RNF111: variants seen among roughly 807,000 people sequenced by gnomAD.
RNF111 encodes E3 ubiquitin-protein ligase Arkadia.
A neutral mutation model predicts 95.1 loss-of-function variants in RNF111; 17 were observed. The observed-to-expected ratio is 0.18, with a 90% CI of 0.12 to 0.27. The LOEUF (loss-of-function observed/expected upper bound fraction) is 0.27. RNF111 is among the 10% of genes least tolerant of loss of function. The pLI is 1.00. For synonymous variants in RNF111, 440 were observed against 414.8 expected (o/e 1.06, Z -0.74); for missense variants, 1,189 against 1,210.4 (o/e 0.98, Z 0.26).
intron 1 of RNF111, among the ~76,000 whole-genome samples, chr15:59,022,100 T>G (rs1489611222): frequency 1.3e-5 from 2 of 152,130 alleles, no homozygotes; most frequent in Non-Finnish European, 2.9e-5. Context: ...CCTAAAGTGA[T>G]CTCCCCGCCT....
intron 11 of RNF111, among the ~76,000 whole-genome samples, chr15:59,090,333 A>C (rs924889920): frequency 6.6e-6 from 1 of 152,114 alleles, no homozygotes; most frequent in Admixed American, 6.5e-5. Flanking sequence ...GGGTTCAAGC[A>C]ATTCTCCTGC....
intron 1 of RNF111, among the ~76,000 whole-genome samples, chr15:59,005,037 T>G (rs1392139070): frequency 6.6e-6 from 1 of 152,172 alleles, no homozygotes; most frequent in Non-Finnish European, 1.5e-5. Flanking sequence ...GTTTAAATTA[T>G]TTTTTTCTTG....
chr15:59,062,479 A>T (rs1170999544), intron 5 of RNF111, among the ~76,000 whole-genome samples: 3 of 152,124 alleles, frequency 2.0e-5, no homozygotes, highest in Non-Finnish European at 2.9e-5. Flanking sequence ...TGCCTACATG[A>T]TATCTTATAT....
rs111286540 is a variant in RNF111 at position 58,994,760 on chromosome 15, C to T, written c.-20+6692C>T. 6.2e-4 allele frequency among the ~76,000 whole-genome samples: 94 copies of T among 152,040 alleles called. 2 individuals are homozygous for T. Among genetic ancestry groups the T allele is most frequent in the Admixed American group, 2.0e-4 (3 of 15,244 alleles). ...CCCAAAGTGCTGGGGTGAGCCTTTGCGCCTGGCCCCTTATTCTCTCTTGAA... is the reference window on the plus strand; with the variant it reads ...CCCAAAGTGCTGGGGTGAGCCTTTGTGCCTGGCCCCTTATTCTCTCTTGAA... On this transcript the variant is annotated intron_variant, in intron 1 of 13. Transcript: ENST00000348370.
At chr15:59,000,708 C>CAA (rs35056899) in intron 1 of RNF111, among the ~76,000 whole-genome samples, 4 of 90,150 alleles carry the variant, frequency 4.4e-5, no homozygotes, top group Non-Finnish European at 4.6e-5. Flanking sequence ...AACTCCGTCT[C>CAA]AAAAAAAAAA....
At chr15:59,092,413 G>A in intron 12 of RNF111, 124 bp from the exon 13 acceptor site, 1 of 982,348 alleles carries the variant, frequency 1.0e-6, no homozygotes, top group South Asian at 2.5e-5. Context: ...GTCTTACCTG[G>A]GAAAAAAGTG....
intron 2 of RNF111, among the ~76,000 whole-genome samples, chr15:59,049,221 T>C (rs1378834473): frequency 6.6e-6 from 1 of 152,154 alleles, no homozygotes; most frequent in Non-Finnish European, 1.5e-5. Context: ...ACCACTCTTC[T>C]TTCTGTTTCT....
At chr15:58,995,764 CTTTTTTTTTTTTT>C (rs34209382) in intron 1 of RNF111, among the ~76,000 whole-genome samples, 1 of 99,528 alleles carries the variant, frequency 1.0e-5, no homozygotes, top group Non-Finnish European at 1.9e-5. Context: ...GTGCCCCGGC[CTTTTTTTTTTTTT>C]TTTTTTTTTT....
Position 59,075,999 on chromosome 15 carries a change from G to A in RNF111, c.1732G>A (p.Gly578Arg), listed in dbSNP as rs1461496743. ...GAGCAACAGTGGTATCAGAAGTCAT[G>A]GAAGTGGCAGTTTTCATGGAGCATC... ...DLSNSGIRSH[G>R]SGSFHGASAF... is the part of the protein sequence containing the mutation. Residue 578 changes from glycine to arginine, a missense_variant, in exon 7 of 14, where the codon GGA (glycine) becomes AGA (arginine). By Grantham distance (125) the Gly-to-Arg change is moderately radical (BLOSUM62 -2). Around this residue, in one of 2 missense-constraint regions of RNF111, gnomAD observed 1,024 missense variants for 925.9 expected, o/e 1.11. Transcript: ENST00000348370. 3 of 1,614,214 alleles carry A rather than the reference G, an allele frequency of 1.9e-6. No individual in the cohort carries two copies. The highest frequency in any genetic ancestry group is 1.7e-4 in the Middle Eastern group (1 of 6,058).
intron 1 of RNF111, among the ~76,000 whole-genome samples, chr15:59,021,124 T>C (rs2040319386): frequency 6.6e-6 from 1 of 152,100 alleles, no homozygotes; most frequent in Non-Finnish European, 1.5e-5. Flanking sequence ...TGTGTCCTCA[T>C]AGGTTAGATC....
intron 1 of RNF111, among the ~76,000 whole-genome samples, chr15:59,019,907 C>T (rs966708545): frequency 6.6e-6 from 1 of 151,944 alleles, no homozygotes; most frequent in African/African-American, 2.4e-5. Context: ...TGCAGTGAGT[C>T]GAGATCGTGC....
At chr15:59,064,251 T>C (rs60072785) in intron 5 of RNF111, among the ~76,000 whole-genome samples, 11,542 of 152,118 alleles carry the variant, frequency 0.076, 589 homozygotes, top group Admixed American at 0.19. Flanking sequence ...AAGTAAATAA[T>C]CTGGCCGGGC....
chr15:59,000,159 T>TA, intron 1 of RNF111, among the ~76,000 whole-genome samples: 1 of 139,408 alleles, frequency 7.2e-6, no homozygotes, highest in Non-Finnish European at 1.5e-5. Context: ...GATTTTTTTT[T>TA]TCCCTTTTTT....
Position 59,031,515 on chromosome 15 carries a change from G to A in RNF111, c.693G>A (p.Arg231=). Residue 231 remains arginine, a synonymous_variant, in exon 2 of 14, where the codon AGG becomes AGA. Coordinates refer to ENST00000348370, the MANE Select transcript of RNF111 (RefSeq NM_017610.8). ...AGAGGACACAGAAACAAAAAGAGAG[G>A]ATATTAATGCAGAGGAAGAAACGAG... ...SSQRTQKQKE[R]ILMQRKKREV... is the part of the protein sequence containing the mutation. 1.2e-6 allele frequency: 2 copies of A among 1,614,126 alleles called. No homozygotes were observed. The highest frequency in any genetic ancestry group is 2.2e-5 in the South Asian group (2 of 91,072).
At chr15:59,093,626 T>C in intron 13 of RNF111, 2 of 216,926 alleles carry the variant, frequency 9.2e-6, no homozygotes, top group South Asian at 1.1e-4. Flanking sequence ...TATATTAATT[T>C]TAGGCATTTT....
intron 1 of RNF111, among the ~76,000 whole-genome samples, chr15:59,020,280 A>G (rs2040273403): frequency 6.6e-6 from 1 of 150,794 alleles, no homozygotes; most frequent in Non-Finnish European, 1.5e-5. Flanking sequence ...TATATAGTAA[A>G]TATGCATTAT....
chr15:59,076,304 C>G, intron 7 of RNF111, 89 bp downstream of exon 7: 1 of 1,446,644 alleles, frequency 6.9e-7, no homozygotes, highest in Admixed American at 2.0e-5. Context: ...AATCCCAGTT[C>G]TTAAATTTTT....
chr15:59,072,150 G>T (rs182881994), intron 6 of RNF111, among the ~76,000 whole-genome samples: 46 of 152,228 alleles, frequency 3.0e-4, no homozygotes, highest in Non-Finnish European at 5.4e-4. Context: ...GCTGATGGAG[G>T]GTCTTGCCTT....
chr15:59,038,553 C>A (rs2041295507), intron 2 of RNF111, among the ~76,000 whole-genome samples: 2 of 152,238 alleles, frequency 1.3e-5, no homozygotes, highest in South Asian at 2.1e-4. Flanking sequence ...CAGAAATATG[C>A]AATGAACTCC....
Sources: gnomAD v4.1 joint callset for allele counts (sites outside exome capture counted in the v4.1 genomes callset) on GRCh38, gnomAD v4.1.1 for gene constraint, gnomAD v4.1.1 regional missense constraint, MANE v1.5 for transcripts, NCBI Gene and HGNC (gene_info 2026-07-23, HGNC 2026-07-21) for gene names.